GPC5: variants seen among roughly 807,000 people sequenced by gnomAD.
GPC5 encodes glypican-5.
A neutral mutation model predicts 53.9 loss-of-function variants in GPC5; 47 were observed. The observed-to-expected ratio is 0.87, with a 90% CI of 0.69 to 1.11. The LOEUF is 1.11. GPC5 is among the 50% of genes most tolerant of loss of function. GPC5 has a pLI of 0.00. For missense variants in GPC5, 748 were observed against 713.1 expected, an observed-to-expected ratio of 1.05 and a Z score of -0.56; for synonymous variants, 286 against 263.3, an observed-to-expected ratio of 1.09 and a Z score of -0.84.
At chr13:91,602,534 A>G (rs2033213905) in intron 2 of GPC5, among the ~76,000 whole-genome samples, 1 of 152,260 alleles carries the variant, frequency 6.6e-6, no homozygotes, top group Non-Finnish European at 1.5e-5. Flanking sequence ...ACCAAAAAAT[A>G]TGCAGCAAAG....
At chr13:92,105,283 G>T (rs1458585145) in intron 6 of GPC5, among the ~76,000 whole-genome samples, 1 of 152,018 alleles carries the variant, frequency 6.6e-6, no homozygotes, top group Non-Finnish European at 1.5e-5. Context: ...GTAATCAATG[G>T]TATTTATTTA....
intron 7 of GPC5, among the ~76,000 whole-genome samples, chr13:92,479,365 A>T (rs1412242507): frequency 6.6e-6 from 1 of 152,212 alleles, no homozygotes; most frequent in Non-Finnish European, 1.5e-5. Flanking sequence ...GATAAACTTC[A>T]CTAAACACTT....
chr13:92,040,533 A>C (rs1031634892), intron 6 of GPC5, among the ~76,000 whole-genome samples: 1 of 152,332 alleles, frequency 6.6e-6, no homozygotes, highest in Admixed American at 6.5e-5. Flanking sequence ...ACAAATGCAC[A>C]AAAATAAACC....
At chr13:92,461,503 A>G (rs1878478085) in intron 7 of GPC5, among the ~76,000 whole-genome samples, 1 of 152,176 alleles carries the variant, frequency 6.6e-6, no homozygotes, top group African/African-American at 2.4e-5. Flanking sequence ...TTTAAACTAG[A>G]CTAGTCAGGG....
chr13:92,172,152 G>A (rs2042074985), intron 7 of GPC5, among the ~76,000 whole-genome samples: 2 of 152,182 alleles, frequency 1.3e-5, no homozygotes, highest in South Asian at 4.1e-4. Context: ...TGGGTAGATG[G>A]ATCAATGGAT....
chr13:91,574,866 A>G (rs1261313449), intron 2 of GPC5, among the ~76,000 whole-genome samples: 1 of 152,148 alleles, frequency 6.6e-6, no homozygotes, highest in African/African-American at 2.4e-5. Context: ...TAGTTACAAC[A>G]CTGGTTGCCA....
intron 2 of GPC5, among the ~76,000 whole-genome samples, chr13:91,571,832 CATATACTTGTGTGTATATACACATAT>C (rs2031827571): frequency 1.2e-5 from 1 of 85,002 alleles, no homozygotes. Flanking sequence ...TATATATACA[CATATACTTGTGTGTATATACACATAT>C]ACGTGTGTGT....
chr13:92,262,453 A>T (rs542920932), intron 7 of GPC5, among the ~76,000 whole-genome samples: 1 of 152,326 alleles, frequency 6.6e-6, no homozygotes, highest in Middle Eastern at 3.4e-3. Context: ...AAGAAAATAG[A>T]TGTGCCATTC....
rs1566400471 is a variant in GPC5 at position 92,751,302 on chromosome 13, T to TAAAAAAAAAAAAAAAAAAAAAAA, written c.1562-114980_1562-114979insAAAAAAAAAAAAAAAAAAAAAAA. ...AAAACCTTTGGTCATCCAGAAACATTTAAAAAAAAAAAAAAAAAAAAAAAA... is the reference window on the plus strand; with the variant it reads ...AAAACCTTTGGTCATCCAGAAACATTAAAAAAAAAAAAAAAAAAAAAAATAAAAAAAAAAAAAAAAAAAAAAAA... On this transcript the variant is annotated intron_variant, in intron 7 of 7. Coordinates refer to ENST00000377067, the MANE Select transcript of GPC5 (RefSeq NM_004466.6). Among the ~76,000 whole-genome samples, 26 of 34,420 alleles carry TAAAAAAAAAAAAAAAAAAAAAAA rather than the reference T, an allele frequency of 7.6e-4. 3 individuals are homozygous for TAAAAAAAAAAAAAAAAAAAAAAA. The highest frequency in any genetic ancestry group is 2.8e-3 in the East Asian group (4 of 1,418). The allele number at this position is 34,420 out of a possible 152,430, so 22.6% of individuals were successfully genotyped here.
At chr13:92,040,044 A>G (rs1163968659) in intron 6 of GPC5, among the ~76,000 whole-genome samples, 1 of 152,202 alleles carries the variant, frequency 6.6e-6, no homozygotes, top group Non-Finnish European at 1.5e-5. Context: ...CTCTGTGCTT[A>G]AGGATGTTGA....
At chr13:92,130,054 A>C (rs374430112) in intron 6 of GPC5, among the ~76,000 whole-genome samples, 4 of 152,144 alleles carry the variant, frequency 2.6e-5, no homozygotes, top group African/African-American at 9.7e-5. Context: ...AAAGCCTCAA[A>C]AGTAAGTAAA....
chr13:91,837,597 C>G (rs1003168002), intron 5 of GPC5, among the ~76,000 whole-genome samples: 6 of 152,198 alleles, frequency 3.9e-5, no homozygotes, highest in African/African-American at 1.4e-4. Flanking sequence ...AGTACCTTAG[C>G]TATGAAATAC....
intron 4 of GPC5, among the ~76,000 whole-genome samples, chr13:91,739,012 G>A (rs912862917): frequency 1.3e-5 from 2 of 151,308 alleles, no homozygotes; most frequent in African/African-American, 4.9e-5. Context: ...ATTATTACAG[G>A]TGATGAATTT....
rs944524654 is a variant in GPC5 at position 91,680,449 on chromosome 13, AAAAC to A, written c.326-12722_326-12719del. Among the ~76,000 whole-genome samples, 7 of 152,304 alleles carry A rather than the reference AAAAC, an allele frequency of 4.6e-5. No individual in the cohort carries two copies. In the East Asian group the frequency reaches 5.8e-4, roughly 13 times the overall value. On this transcript the variant is annotated intron_variant, in intron 2 of 7. Transcript: ENST00000377067. ...GGGCGACAGAGCAAGACTCCATCTCAAAACAAACAAACAAACAAAAAAGTGATGA... is the reference window on the plus strand; with the variant it reads ...GGGCGACAGAGCAAGACTCCATCTCAAAACAAACAAACAAAAAAGTGATGA...
intron 3 of GPC5, among the ~76,000 whole-genome samples, chr13:91,714,633 G>T (rs912802871): frequency 2.6e-5 from 4 of 152,138 alleles, no homozygotes; most frequent in African/African-American, 7.2e-5. Flanking sequence ...AAACAGAAAA[G>T]AATGTGTAAT....
chr13:91,675,638 A>G (rs1566600978), intron 2 of GPC5, among the ~76,000 whole-genome samples: 1 of 152,254 alleles, frequency 6.6e-6, no homozygotes, highest in African/African-American at 2.4e-5. Context: ...TGTACAACCA[A>G]TAGCCTAATT....
At chr13:92,534,407 A>C (rs1183656142) in intron 7 of GPC5, among the ~76,000 whole-genome samples, 2 of 152,314 alleles carry the variant, frequency 1.3e-5, no homozygotes, top group South Asian at 2.1e-4. Context: ...GCGACAAAAC[A>C]GTTGGGCAAA....
chr13:92,111,707 G>A (rs1292703407), intron 6 of GPC5, among the ~76,000 whole-genome samples: 1 of 152,046 alleles, frequency 6.6e-6, no homozygotes, highest in Non-Finnish European at 1.5e-5. Context: ...CCAAAAAAAA[G>A]GTGATAACTT....
intron 7 of GPC5, among the ~76,000 whole-genome samples, chr13:92,570,035 CT>C (rs1882977100): frequency 6.6e-6 from 1 of 152,140 alleles, no homozygotes; most frequent in Admixed American, 6.6e-5. Context: ...ACTCGATCCT[CT>C]ATTACCAATG....
Sources: allele counts gnomAD v4.1 joint callset (sites outside exome capture counted in the v4.1 genomes callset), GRCh38; gene constraint gnomAD v4.1.1; transcripts MANE v1.5; gene names NCBI Gene and HGNC (gene_info 2026-07-23, HGNC 2026-07-21).